NRXN1: variants seen among roughly 807,000 people sequenced by gnomAD.
NRXN1 encodes neurexin 1.
NRXN1 carries 39 observed loss-of-function variants against 150.9 expected under a neutral mutation model. That is an observed-to-expected ratio of 0.26 (90% CI 0.20 to 0.34). The LOEUF is 0.34. NRXN1 is among the 10% of genes least tolerant of loss of function. The pLI is 1.00. For missense variants in NRXN1, 1,815 were observed against 1,949.9 expected, an observed-to-expected ratio of 0.93 and a Z score of 1.30; for synonymous variants, 924 against 757.0, an observed-to-expected ratio of 1.22 and a Z score of -3.62.
At chr2:50,034,957 A>C (rs1266353620) in intron 21 of NRXN1, among the ~76,000 whole-genome samples, 1 of 152,128 alleles carries the variant, frequency 6.6e-6, no homozygotes, top group Non-Finnish European at 1.5e-5. Flanking sequence ...TATTATTTTA[A>C]ATTGAATATA....
At chr2:50,400,914 G>A (rs891161587) in intron 17 of NRXN1, among the ~76,000 whole-genome samples, 1 of 152,134 alleles carries the variant, frequency 6.6e-6, no homozygotes, top group African/African-American at 2.4e-5. Context: ...TTGATGCTCC[G>A]CAAGATATAT....
chr2:50,328,973 T>C (rs2076569860), intron 17 of NRXN1, among the ~76,000 whole-genome samples: 1 of 152,110 alleles, frequency 6.6e-6, no homozygotes, highest in South Asian at 2.1e-4. Context: ...TGTGGAAATA[T>C]ATTAAATGCC....
intron 16 of NRXN1, among the ~76,000 whole-genome samples, chr2:50,471,868 C>T (rs1313749108): frequency 1.3e-5 from 2 of 151,612 alleles, no homozygotes; most frequent in Admixed American, 1.3e-4. Flanking sequence ...TGCACATGTA[C>T]CCCCTGGACT....
At chr2:50,539,019 A>G (rs1320888896) in intron 9 of NRXN1, among the ~76,000 whole-genome samples, 1 of 152,188 alleles carries the variant, frequency 6.6e-6, no homozygotes, top group Non-Finnish European at 1.5e-5. Context: ...TTCAAAGCCA[A>G]TATTCAATTG....
At chr2:50,739,953 C>A (rs72837045) in intron 5 of NRXN1, among the ~76,000 whole-genome samples, 12,341 of 152,196 alleles carry the variant, frequency 0.081, 619 homozygotes, top group Non-Finnish European at 0.11. Context: ...AATCAACTGG[C>A]AGCATAAGCA....
At chr2:50,368,702 T>C (rs2079785203) in intron 17 of NRXN1, among the ~76,000 whole-genome samples, 1 of 151,948 alleles carries the variant, frequency 6.6e-6, no homozygotes, top group Non-Finnish European at 1.5e-5. Flanking sequence ...AGGATTTTCA[T>C]ATAGAAGAGA....
chr2:50,571,987 CTATCAGT>C (rs1020330494), intron 8 of NRXN1, among the ~76,000 whole-genome samples: 1 of 152,056 alleles, frequency 6.6e-6, no homozygotes. Context: ...GCAGGGTACT[CTATCAGT>C]CAAGGCCTAG....
chr2:50,941,326 C>T (rs943658394), intron 2 of NRXN1, among the ~76,000 whole-genome samples: 6 of 151,932 alleles, frequency 3.9e-5, no homozygotes, highest in African/African-American at 7.3e-5. Flanking sequence ...TAAAGGTACC[C>T]GAAAATGTAG....
chr2:50,214,593 G>T (rs2063260928), intron 18 of NRXN1, among the ~76,000 whole-genome samples: 1 of 151,912 alleles, frequency 6.6e-6, no homozygotes, highest in African/African-American at 2.4e-5. Context: ...AGAATTTTAA[G>T]ATAATTCAAA....
chr2:50,903,537 C>T (rs1683241819), intron 5 of NRXN1, among the ~76,000 whole-genome samples: 1 of 151,986 alleles, frequency 6.6e-6, no homozygotes, highest in Non-Finnish European at 1.5e-5. Context: ...GTGACATGTG[C>T]TCTCAGTGTA....
intron 17 of NRXN1, among the ~76,000 whole-genome samples, chr2:50,360,961 A>T (rs565801412): frequency 1.3e-5 from 2 of 152,292 alleles, no homozygotes; most frequent in East Asian, 3.9e-4. Flanking sequence ...TAAGAAACTC[A>T]CTCAAAACCG....
At chr2:50,586,412 C>A (rs1673106153) in intron 8 of NRXN1, among the ~76,000 whole-genome samples, 1 of 152,114 alleles carries the variant, frequency 6.6e-6, no homozygotes, top group African/African-American at 2.4e-5. Context: ...TAGTGTCTGT[C>A]TCCTTCCAGT....
intron 17 of NRXN1, among the ~76,000 whole-genome samples, chr2:50,293,313 T>C (rs865807387): frequency 6.6e-6 from 1 of 151,978 alleles, no homozygotes; most frequent in African/African-American, 2.4e-5. Context: ...ACACCAGTGA[T>C]AGTTCTCGGC....
intron 5 of NRXN1, among the ~76,000 whole-genome samples, chr2:50,730,869 T>G (rs1463195981): frequency 6.6e-6 from 1 of 152,006 alleles, no homozygotes; most frequent in Non-Finnish European, 1.5e-5. Context: ...GAGACAGGGT[T>G]TCACCGCGTT....
At chr2:50,870,786 G>A (rs555598774) in intron 5 of NRXN1, among the ~76,000 whole-genome samples, 2 of 151,650 alleles carry the variant, frequency 1.3e-5, no homozygotes, top group African/African-American at 2.4e-5. Flanking sequence ...GCAGGATGTC[G>A]TTTGCAAAAG....
At chr2:50,771,921 C>G (rs1703057785) in intron 5 of NRXN1, among the ~76,000 whole-genome samples, 1 of 152,014 alleles carries the variant, frequency 6.6e-6, no homozygotes, top group African/African-American at 2.4e-5. Flanking sequence ...GATAACAAAA[C>G]AGATAAGTTA....
intron 2 of NRXN1, among the ~76,000 whole-genome samples, chr2:50,973,225 G>A (rs938970435): frequency 2.0e-5 from 3 of 152,102 alleles, no homozygotes; most frequent in Non-Finnish European, 4.4e-5. Context: ...GCAATCATCT[G>A]TCCCAAATGC....
chr2:50,549,677 A>C (rs970958674), intron 9 of NRXN1, among the ~76,000 whole-genome samples: 1 of 152,200 alleles, frequency 6.6e-6, no homozygotes. Context: ...CAATGAGGGT[A>C]CAAATAGAGT....
chr2:50,732,629 G>A lies in NRXN1; in HGVS notation c.833-109014C>T, dbSNP rs939202269. On this transcript the variant is annotated intron_variant, in intron 5 of 22. Coordinates refer to ENST00000401669, the MANE Select transcript of NRXN1 (RefSeq NM_001330078.2). ...CCTCCTAGCTTTAAAGTAAAATAGA[G>A]CAAAACTGACTTGACCCCGATTTTC... is the stretch of plus-strand genomic sequence containing the variant. Among the ~76,000 whole-genome samples, 6 of 152,064 alleles carry A rather than the reference G, an allele frequency of 3.9e-5. 1 individual carries two copies. The highest frequency in any genetic ancestry group is 1.4e-4 in the African/African-American group (6 of 41,424).
Sources: gnomAD v4.1 joint callset for allele counts (sites outside exome capture counted in the v4.1 genomes callset) on GRCh38, gnomAD v4.1.1 for gene constraint, MANE v1.5 for transcripts, NCBI Gene and HGNC (gene_info 2026-07-23, HGNC 2026-07-21) for gene names.